Variants in TLCD5 observed in about 807,000 individuals in gnomAD.
TLCD5 encodes TLC domain containing 5.
A neutral mutation model predicts 20.5 loss-of-function variants in TLCD5; 15 were observed. The observed-to-expected ratio is 0.73, with a 90% CI of 0.49 to 1.13. The LOEUF is 1.13. Ranked by LOEUF, TLCD5 falls within the 50% of genes most tolerant of loss-of-function variation. The probability of loss-of-function intolerance (pLI) is 0.00; values close to 1 mark genes in which losing one functional copy is unlikely to be tolerated. For synonymous variants in TLCD5, 107 were observed against 114.7 expected, an observed-to-expected ratio of 0.93 and a Z score of 0.43; for missense variants, 289 against 305.6, an observed-to-expected ratio of 0.95 and a Z score of 0.41.
Position 120,330,385 on chromosome 11 carries a change from T to G in TLCD5, c.608T>G (p.Val203Gly), listed in dbSNP as rs1429831147. Reference protein sequence around the residue: ...VKAGGVAMYAVSWCFMFSIWR... With the variant: ...VKAGGVAMYAGSWCFMFSIWR... ...GCTGGGGGAGTAGCGATGTATGCTGTGTCTTGGTGTTTCATGTTTAGCATC... is the reference window on the plus strand; with the variant it reads ...GCTGGGGGAGTAGCGATGTATGCTGGGTCTTGGTGTTTCATGTTTAGCATC... Residue 203 changes from valine to glycine, a missense_variant, in exon 3 of 3, where the codon GTG becomes GGG. Transcript: ENST00000375095. The G allele has an allele frequency of 1.9e-6, 3 of 1,614,176 alleles. No individual in the cohort carries two copies. In the South Asian group the frequency reaches 3.3e-5, roughly 18 times the overall value.
chr11:120,330,621 A>G lies in TLCD5; in HGVS notation c.*106A>G. ...CTTATAACAAACTTAGGTTTCAATAAAGGGCTAAATGTATTGATCAATTTG... is the reference window on the plus strand; with the variant it reads ...CTTATAACAAACTTAGGTTTCAATAGAGGGCTAAATGTATTGATCAATTTG... On this transcript the variant is annotated 3_prime_UTR_variant, in exon 3 of 3. Coordinates refer to ENST00000375095, the MANE Select transcript of TLCD5 (RefSeq NM_001198671.2). 1 of 1,305,662 alleles carries G rather than the reference A, an allele frequency of 7.7e-7. No individual in the cohort carries two copies. Among genetic ancestry groups the G allele is most frequent in the East Asian group, 2.5e-5 (1 of 40,174 alleles). The allele number at this position is 1,305,662 out of a possible 1,614,324, so 80.9% of individuals were successfully genotyped here.
At position 120,326,742 on chromosome 11, in the gene TLCD5, A is replaced by G. The variant is rs1942009574; in HGVS notation, c.-1-699A>G. Among the ~76,000 whole-genome samples the G allele has an allele frequency of 2.6e-5, 4 of 152,300 alleles. No individual in the cohort carries two copies. The South Asian group carries it at 8.3e-4, about 32-fold the overall frequency. ...ATAATTGCCTTAAGGATATTTTTAG[A>G]TCTCAACAAAAACTCCCCTCCTCTT... is the stretch of plus-strand genomic sequence containing the variant. On this transcript the variant is annotated intron_variant, in intron 1 of 2. Coordinates refer to ENST00000375095, the MANE Select transcript of TLCD5 (RefSeq NM_001198671.2).
rs1942162808 is a variant in TLCD5, at chr11:120,331,934, G to C, written c.*1419G>C. 1 of 152,122 alleles carries C rather than the reference G, an allele frequency of 6.6e-6. No homozygotes were observed. Among genetic ancestry groups the C allele is most frequent in the African/African-American group, 2.4e-5 (1 of 41,390 alleles). The allele number at this position is 152,122 out of a possible 1,614,324, so 9.4% of individuals were successfully genotyped here. On this transcript the variant is annotated 3_prime_UTR_variant, in exon 3 of 3. Transcript: ENST00000375095. The surrounding 1 kb of genome is among the most constrained non-coding windows in gnomAD (Gnocchi z 4.5). ...CTTTAAAGTGTGTACTGGCCTCAGG[G>C]GGATGAGGTTAATTTTTTTTTTTCA...
In TLCD5 at chr11:120,332,369, T is replaced by C. The variant is rs1942173928; in HGVS notation, c.*1854T>C. The stretch of plus-strand genomic sequence containing the variant: ...TATGAAGTATTTATGTATTTATTGA[T>C]TATTTATTTTTACCATGTTATTGAA... On this transcript the variant is annotated 3_prime_UTR_variant, in exon 3 of 3. Transcript: ENST00000375095. The surrounding 1 kb of genome is among the most constrained non-coding windows in gnomAD (Gnocchi z 4.2). 1 of 152,190 alleles carries C rather than the reference T, an allele frequency of 6.6e-6. No individual in the cohort carries two copies. Among genetic ancestry groups the C allele is most frequent in the South Asian group, 2.1e-4 (1 of 4,820 alleles). The allele number at this position is 152,190 out of a possible 1,614,324, so 9.4% of individuals were successfully genotyped here. A position where few individuals can be genotyped will look rare whatever the true frequency, so the allele number is the denominator to read the frequency against.
At position 120,330,633 on chromosome 11, in the gene TLCD5, T is replaced by A; in HGVS notation, c.*118T>A. 2 of 1,209,072 alleles carry A rather than the reference T, an allele frequency of 1.7e-6. No individual in the cohort carries two copies. Among genetic ancestry groups the A allele is most frequent in the Non-Finnish European group, 1.1e-6 (1 of 889,518 alleles). 74.9% of individuals were successfully genotyped at this position (1,209,072 alleles called of 1,614,324 possible). On this transcript the variant is annotated 3_prime_UTR_variant, in exon 3 of 3. Transcript: ENST00000375095. The stretch of plus-strand genomic sequence containing the variant: ...TTAGGTTTCAATAAAGGGCTAAATG[T>A]ATTGATCAATTTGGTCAGTCTTCAA...
chr11:120,327,212 AG>A (rs1942020771), intron 1 of TLCD5: 1 of 699,222 alleles, frequency 1.4e-6, no homozygotes, highest in Non-Finnish European at 2.3e-6. Flanking sequence ...CCTGGTTTCC[AG>A]TTTACAACAT....
In TLCD5 at chr11:120,327,494, C is replaced by T. The variant is rs373878686; in HGVS notation, c.53C>T (p.Ser18Leu). The T allele has an allele frequency of 4.0e-5, 64 of 1,614,054 alleles. No homozygotes were observed. Among genetic ancestry groups the T allele is most frequent in the Non-Finnish European group, 4.7e-5 (56 of 1,180,038 alleles). The change falls in exon 2 of 3, where the codon TCG becomes TTG. Residue 18 changes from serine to leucine, a missense_variant. Transcript: ENST00000375095. ...QVLCSLCGWLSLYISFCHLNK... is the reference protein window; with the variant it reads ...QVLCSLCGWLLLYISFCHLNK... ...CTGTGCAGCCTGTGTGGCTGGCTCT[C>T]GCTCTATATTTCTTTCTGCCACCTG...
chr11:120,326,345 T>C (rs1442404865), intron 1 of TLCD5, among the ~76,000 whole-genome samples: 2 of 152,196 alleles, frequency 1.3e-5, no homozygotes, highest in Non-Finnish European at 1.5e-5. Context: ...AATGGAAATC[T>C]GATTTCAGAT....
At position 120,332,434 on chromosome 11, in the gene TLCD5, A is replaced by G. The variant is rs1200309268; in HGVS notation, c.*1919A>G. 1.3e-5 allele frequency: 2 copies of G among 152,196 alleles called. No individual in the cohort carries two copies. Among genetic ancestry groups the G allele is most frequent in the Non-Finnish European group, 2.9e-5 (2 of 68,044 alleles). The allele number at this position is 152,196 out of a possible 1,614,324, so 9.4% of individuals were successfully genotyped here. A position where few individuals can be genotyped will look rare whatever the true frequency, so the allele number is the denominator to read the frequency against. ...ATTAGCTCAGTGGGTGAGCAAGCAT[A>G]TGGTGCTACTGGAGTCAAGGCTGGT... On this transcript the variant is annotated 3_prime_UTR_variant, in exon 3 of 3. Transcript: ENST00000375095. This position sits in a 1 kb window ranked among gnomAD's most constrained non-coding sequence, Gnocchi z 4.2.
rs1242523895 is a variant in TLCD5, at chr11:120,330,274, C to G, written c.497C>G (p.Ala166Gly). ...TGDVVDFLFVALFTGVRIGVG... is the reference protein window; with the variant it reads ...TGDVVDFLFVGLFTGVRIGVG... ...GATGTAGTGGACTTCCTCTTTGTGG[C>G]TCTGTTCACAGGAGTGAGGATTGGT... Residue 166 changes from alanine (A) to glycine (G), a missense_variant, in exon 3 of 3, where the codon GCT (alanine) becomes GGT (glycine). Transcript: ENST00000375095. The G allele has an allele frequency of 1.3e-6, 2 of 1,556,566 alleles. No individual in the cohort carries two copies. Among genetic ancestry groups the G allele is most frequent in the Admixed American group, 1.9e-5 (1 of 51,464 alleles).
At chr11:120,326,650 C>G (rs1400357333) in intron 1 of TLCD5, among the ~76,000 whole-genome samples, 1 of 152,132 alleles carries the variant, frequency 6.6e-6, no homozygotes, top group East Asian at 1.9e-4. Flanking sequence ...TGTTCTTGTC[C>G]TAACGTATTT....
At chr11:120,325,496 C>G (rs1161577557) in intron 1 of TLCD5, 128 bp downstream of exon 1, 1 of 152,096 alleles carries the variant, frequency 6.6e-6, no homozygotes, top group Non-Finnish European at 1.5e-5. Flanking sequence ...CTGCCTCGGA[C>G]GCCCGAGGCC....
rs1591462245 is a variant in TLCD5 at position 120,330,828 on chromosome 11, T to C, written c.*313T>C. On this transcript the variant is annotated 3_prime_UTR_variant, in exon 3 of 3. Transcript: ENST00000375095. ...CCTCCTGTCCCTGGGAGGTTTGATGTTCAGGCAGTTTAGAAAGGAACTCGA... is the reference window on the plus strand; with the variant it reads ...CCTCCTGTCCCTGGGAGGTTTGATGCTCAGGCAGTTTAGAAAGGAACTCGA... 1 of 237,920 alleles carries C rather than the reference T, an allele frequency of 4.2e-6. No homozygotes were observed. Among genetic ancestry groups the C allele is most frequent in the South Asian group, 1.5e-4 (1 of 6,766 alleles). The allele number at this position is 237,920 out of a possible 1,614,324, so 14.7% of individuals were successfully genotyped here.
intron 2 of TLCD5, among the ~76,000 whole-genome samples, chr11:120,327,894 G>A (rs1397025004): frequency 6.6e-6 from 1 of 151,998 alleles, no homozygotes; most frequent in African/African-American, 2.4e-5. Context: ...AAACTATAAA[G>A]CCAGTATCAA....
chr11:120,326,058 T>A (rs902320859), intron 1 of TLCD5, among the ~76,000 whole-genome samples: 1 of 152,190 alleles, frequency 6.6e-6, no homozygotes, highest in African/African-American at 2.4e-5. Context: ...TTTCTGGCCC[T>A]TACTCTGAGA....
rs750810159 is a variant in TLCD5 at position 120,330,361 on chromosome 11, C to G, written c.584C>G (p.Ala195Gly). ...VSPTPKWFVK[A>G]GGVAMYAVSW... is the part of the protein sequence containing the mutation. ...CCCACGCCTAAGTGGTTTGTGAAGG[C>G]TGGGGGAGTAGCGATGTATGCTGTG... The change falls in exon 3 of 3, where the codon GCT (alanine) becomes GGT (glycine). Residue 195 changes from alanine (A) to glycine (G), a missense_variant. Physicochemically the swap from Ala to Gly is moderately conservative, Grantham distance 60. Transcript: ENST00000375095. 1 of 1,613,186 alleles carries G rather than the reference C, an allele frequency of 6.2e-7. No individual in the cohort carries two copies. The highest frequency in any genetic ancestry group is 8.5e-7 in the Non-Finnish European group (1 of 1,179,584).
At chr11:120,326,429 C>T (rs1272869774) in intron 1 of TLCD5, among the ~76,000 whole-genome samples, 1 of 152,166 alleles carries the variant, frequency 6.6e-6, no homozygotes, top group Non-Finnish European at 1.5e-5. Flanking sequence ...TGTGTATTGA[C>T]GTCCACAGAT....
At position 120,330,455 on chromosome 11, in the gene TLCD5, G is replaced by A; in HGVS notation, c.678G>A (p.Trp226Ter). ...WRKSIKKYHA[W>*]RSRRSEERQL... ...AGAGCATCAAGAAGTACCATGCTTG[G>A]AGAAGCAGGCGGAGTGAGGAACGGC... Residue 226 changes from tryptophan to a stop codon, truncating the protein, a stop_gained, in exon 3 of 3, where the codon TGG becomes TGA. Transcript: ENST00000375095. LOFTEE classifies it high-confidence loss of function. 6.2e-7 allele frequency: 1 copy of A among 1,614,194 alleles called. No individual in the cohort carries two copies. Among genetic ancestry groups the A allele is most frequent in the East Asian group, 2.2e-5 (1 of 44,890 alleles).
In TLCD5 at chr11:120,333,441, T is replaced by C. The variant is rs187391022; in HGVS notation, c.*2926T>C. ...CAGCTTTTCTTGATGTTGTTACTAA[T>C]AACTATGAAAAAACTTCTGAGAGAA... is the stretch of plus-strand genomic sequence containing the variant. On this transcript the variant is annotated 3_prime_UTR_variant, in exon 3 of 3. Transcript: ENST00000375095. The surrounding 1 kb of genome is among the most constrained non-coding windows in gnomAD (Gnocchi z 4.5). 2.6e-5 allele frequency: 4 copies of C among 152,288 alleles called. No homozygotes were observed. Among genetic ancestry groups the C allele is most frequent in the East Asian group, 3.9e-4 (2 of 5,188 alleles). The allele number at this position is 152,288 out of a possible 1,614,324, so 9.4% of individuals were successfully genotyped here.
Sources: allele counts gnomAD v4.1 joint callset (sites outside exome capture counted in the v4.1 genomes callset), GRCh38; gene constraint gnomAD v4.1.1; non-coding constraint Gnocchi (gnomAD v3.1); transcripts MANE v1.5; gene names NCBI Gene and HGNC (gene_info 2026-07-23, HGNC 2026-07-21).